Variants in TAFA2 observed in about 807,000 individuals in gnomAD.
TAFA2 encodes the protein TAFA chemokine like family member 2, also known as chemokine-like protein TAFA-2.
TAFA2 carries 7 observed loss-of-function variants against 18.8 expected under a neutral mutation model. The observed-to-expected ratio is 0.37, with a 90% CI of 0.21 to 0.70. The LOEUF (loss-of-function observed/expected upper bound fraction) is 0.70, where lower values mean the gene tolerates loss of function less well. TAFA2 is among the 30% of genes least tolerant of loss of function. The pLI is 0.53. For synonymous variants in TAFA2, 60 were observed against 54.2 expected (o/e 1.11, Z -0.47); for missense variants, 122 against 158.1 (o/e 0.77, Z 1.23).
rs376065855 is a variant in TAFA2 at position 62,156,186 on chromosome 12, A to G, written c.-2+35073T>C. The stretch of plus-strand genomic sequence containing the variant: ...AGATATACAAATGGCCAACAAACAT[A>G]TGAAAAAATGCTCAACATCACTAAT... On this transcript the variant is annotated intron_variant, in intron 1 of 4. Transcript: ENST00000416284. Among the ~76,000 whole-genome samples, 4 of 152,212 alleles carry G rather than the reference A, an allele frequency of 2.6e-5. No homozygotes were observed. In the East Asian group the frequency reaches 7.7e-4, roughly 29 times the overall value.
intron 1 of TAFA2, among the ~76,000 whole-genome samples, chr12:62,206,429 T>A (rs1411595957): frequency 6.6e-6 from 1 of 152,274 alleles, no homozygotes; most frequent in Non-Finnish European, 1.5e-5. Context: ...GATTTATTAT[T>A]GTTTTCACTT....
chr12:61,965,574 C>T (rs184915199), intron 1 of TAFA2, among the ~76,000 whole-genome samples: 4 of 151,904 alleles, frequency 2.6e-5, no homozygotes, highest in Non-Finnish European at 1.5e-5. Context: ...GGTGAATAAC[C>T]AATCAAGGAC....
intron 2 of TAFA2, among the ~76,000 whole-genome samples, chr12:61,859,623 T>C (rs1874041212): frequency 6.6e-6 from 1 of 152,110 alleles, no homozygotes; most frequent in Non-Finnish European, 1.5e-5. Context: ...TTTGTATTTT[T>C]AGTAGAGACA....
intron 2 of TAFA2, among the ~76,000 whole-genome samples, chr12:61,862,927 T>A (rs10784269): frequency 0.36 from 54,479 of 152,028 alleles, 10,112 homozygotes; most frequent in East Asian, 0.42. Flanking sequence ...TTATTACCTA[T>A]TTTTCCACTT....
At chr12:61,972,001 C>T (rs571595911) in intron 1 of TAFA2, among the ~76,000 whole-genome samples, 8 of 151,766 alleles carry the variant, frequency 5.3e-5, no homozygotes, top group East Asian at 3.9e-4. Context: ...AAGGATGCCA[C>T]GACCATTCAA....
At chr12:62,107,599 A>G (rs1022058565) in intron 1 of TAFA2, among the ~76,000 whole-genome samples, 5 of 152,212 alleles carry the variant, frequency 3.3e-5, no homozygotes, top group African/African-American at 1.2e-4. Flanking sequence ...GTTTGCATTC[A>G]GAAAGGAAAC....
intron 1 of TAFA2, among the ~76,000 whole-genome samples, chr12:62,118,617 C>A (rs1870063407): frequency 6.6e-6 from 1 of 152,078 alleles, no homozygotes; most frequent in Non-Finnish European, 1.5e-5. Flanking sequence ...ATTTCCTCTC[C>A]AATAATTGAC....
chr12:62,250,571 G>A (rs1592420424), intron 1 of TAFA2, among the ~76,000 whole-genome samples: 1 of 151,706 alleles, frequency 6.6e-6, no homozygotes, highest in Non-Finnish European at 1.5e-5. Context: ...AAAACTAGAG[G>A]TTTTTTTCCA....
chr12:61,851,096 G>T (rs369326553), intron 2 of TAFA2, among the ~76,000 whole-genome samples: 1 of 152,142 alleles, frequency 6.6e-6, no homozygotes, highest in East Asian at 1.9e-4. Context: ...TGAAAGACAT[G>T]AATCTAACCT....
At position 62,116,599 on chromosome 12, in the gene TAFA2, TA is replaced by T. The variant is rs554301424; in HGVS notation, c.-2+74659del. ...TTAGGGATAATGGCACTTGCAAATG[TA>T]AAATTTTTCCTCTAATTTTGGGTCT... On this transcript the variant is annotated intron_variant, in intron 1 of 4. Coordinates refer to ENST00000416284, the MANE Select transcript of TAFA2 (RefSeq NM_178539.5). Among the ~76,000 whole-genome samples, 8 of 152,326 alleles carry T rather than the reference TA, an allele frequency of 5.3e-5. No individual in the cohort carries two copies. In the East Asian group the frequency reaches 1.5e-3, roughly 29 times the overall value.
At chr12:61,949,918 C>T (rs1188773096) in intron 1 of TAFA2, among the ~76,000 whole-genome samples, 1 of 152,094 alleles carries the variant, frequency 6.6e-6, no homozygotes, top group African/African-American at 2.4e-5. Context: ...ATCAACAACA[C>T]CATTTTCCCC....
chr12:62,065,182 A>G (rs1019516207), intron 1 of TAFA2, among the ~76,000 whole-genome samples: 1 of 152,050 alleles, frequency 6.6e-6, no homozygotes, highest in Non-Finnish European at 1.5e-5. Flanking sequence ...CATATTGAGT[A>G]TAAGCTTTGC....
intron 2 of TAFA2, among the ~76,000 whole-genome samples, chr12:61,864,503 A>C (rs1054164890): frequency 6.6e-6 from 1 of 151,500 alleles, no homozygotes; most frequent in Non-Finnish European, 1.5e-5. Flanking sequence ...ACAAAAAGCT[A>C]TCAAAAGCTT....
chr12:61,898,637 A>T (rs1254585413), intron 1 of TAFA2, among the ~76,000 whole-genome samples: 1 of 150,538 alleles, frequency 6.6e-6, no homozygotes. Flanking sequence ...CTGGAATGCA[A>T]GGCACAGAGC....
At chr12:62,162,196 G>T (rs1250455487) in intron 1 of TAFA2, among the ~76,000 whole-genome samples, 1 of 152,174 alleles carries the variant, frequency 6.6e-6, no homozygotes, top group East Asian at 1.9e-4. Flanking sequence ...CTCAGTTTCT[G>T]TGGGAAGATA....
At chr12:62,120,458 G>T (rs1870142884) in intron 1 of TAFA2, among the ~76,000 whole-genome samples, 2 of 152,194 alleles carry the variant, frequency 1.3e-5, no homozygotes, top group African/African-American at 4.8e-5. Flanking sequence ...TTCCAGACAT[G>T]CTTCAGACTA....
chr12:62,041,225 CA>C (rs1881748995), intron 1 of TAFA2, among the ~76,000 whole-genome samples: 1 of 151,990 alleles, frequency 6.6e-6, no homozygotes, highest in South Asian at 2.1e-4. Flanking sequence ...GTGTCTTATC[CA>C]CCTTTCATCG....
chr12:61,951,672 A>G (rs2121453361), intron 1 of TAFA2, among the ~76,000 whole-genome samples: 1 of 152,232 alleles, frequency 6.6e-6, no homozygotes, highest in East Asian at 1.9e-4. Context: ...TTTGAAGGAA[A>G]CATAGTGTAT....
intron 1 of TAFA2, among the ~76,000 whole-genome samples, chr12:61,908,704 T>C (rs1406504443): frequency 1.3e-5 from 2 of 152,198 alleles, no homozygotes. Flanking sequence ...TACCAAATTA[T>C]GGTCCACTAA....
Sources: allele counts gnomAD v4.1 joint callset (sites outside exome capture counted in the v4.1 genomes callset), GRCh38; gene constraint gnomAD v4.1.1; transcripts MANE v1.5; gene names NCBI Gene and HGNC (gene_info 2026-07-23, HGNC 2026-07-21).